Variants in PLXNA4 observed in about 807,000 individuals in gnomAD.
The protein encoded by PLXNA4 is plexin-A4.
A neutral mutation model predicts 191.8 loss-of-function variants in PLXNA4; 44 were observed. The observed-to-expected ratio is 0.23, with a 90% CI of 0.18 to 0.29. PLXNA4 has a LOEUF of 0.29. Ranked by LOEUF, PLXNA4 falls within the 10% of genes least tolerant of loss-of-function variation. The pLI, the probability that PLXNA4 is intolerant of heterozygous loss-of-function variation, is 1.00. For synonymous variants in PLXNA4, 1,082 were observed against 1,009.5 expected (o/e 1.07, Z -1.36); for missense variants, 1,800 against 2,488.8 (o/e 0.72, Z 5.89).
intron 2 of PLXNA4, among the ~76,000 whole-genome samples, chr7:132,583,425 C>G (rs539778274): frequency 6.6e-6 from 1 of 152,344 alleles, no homozygotes; most frequent in South Asian, 2.1e-4. Flanking sequence ...ACACCATTCT[C>G]CTTGAGGACT....
At chr7:132,157,776 A>G (rs1795839035) in intron 25 of PLXNA4, among the ~76,000 whole-genome samples, 1 of 152,202 alleles carries the variant, frequency 6.6e-6, no homozygotes, top group African/African-American at 2.4e-5. Flanking sequence ...TTCCACTACC[A>G]AACTCAATTC....
chr7:132,152,979 G>T (rs1218138592), intron 25 of PLXNA4, among the ~76,000 whole-genome samples: 1 of 152,252 alleles, frequency 6.6e-6, no homozygotes, highest in Non-Finnish European at 1.5e-5. Context: ...AGTGTGCTGG[G>T]CATGGCCAAC....
intron 3 of PLXNA4, among the ~76,000 whole-genome samples, chr7:132,471,353 G>T (rs888630867): frequency 6.6e-6 from 1 of 152,194 alleles, no homozygotes; most frequent in African/African-American, 2.4e-5. Flanking sequence ...ATAGACCGTT[G>T]TGTGTGTTGT....
intron 3 of PLXNA4, among the ~76,000 whole-genome samples, chr7:132,343,108 T>A (rs187805425): frequency 2.5e-4 from 36 of 144,866 alleles, no homozygotes; most frequent in African/African-American, 9.0e-4. Flanking sequence ...CAGTTAAGAT[T>A]TTTTTTTTTT....
intron 3 of PLXNA4, among the ~76,000 whole-genome samples, chr7:132,484,556 C>A (rs926925031): frequency 6.6e-6 from 1 of 152,250 alleles, no homozygotes; most frequent in Non-Finnish European, 1.5e-5. Context: ...TTCTGCATTT[C>A]TTTCCCTTTG....
At position 132,226,078 on chromosome 7, in the gene PLXNA4, C is replaced by G. The variant is rs987645814; in HGVS notation, c.1982+83G>C. 3 of 1,327,188 alleles carry G rather than the reference C, an allele frequency of 2.3e-6. No homozygotes were observed. In the African/African-American group the frequency reaches 4.4e-5, roughly 19 times the overall value. 82.2% of individuals were successfully genotyped at this position (1,327,188 alleles called of 1,614,324 possible). A position where few individuals can be genotyped will look rare whatever the true frequency, so the allele number is the denominator to read the frequency against. ...TCTGGGGCTTCTAAATGGTGACTCCCTGGGAATAGTGATGGGGTTTTCTGA... is the reference window on the plus strand; with the variant it reads ...TCTGGGGCTTCTAAATGGTGACTCCGTGGGAATAGTGATGGGGTTTTCTGA... On this transcript the variant is annotated intron_variant, in intron 8 of 31. Transcript: ENST00000321063.
At chr7:132,540,569 CTTTTTTTTTTT>C (rs71915138) in intron 1 of PLXNA4, among the ~76,000 whole-genome samples, 10 of 60,974 alleles carry the variant, frequency 1.6e-4, no homozygotes, top group African/African-American at 2.9e-4. Flanking sequence ...GTGGACCGTT[CTTTTTTTTTTT>C]TTTTTTTTTT....
At chr7:132,287,214 T>G (rs1800715608) in intron 4 of PLXNA4, among the ~76,000 whole-genome samples, 1 of 152,134 alleles carries the variant, frequency 6.6e-6, no homozygotes, top group Non-Finnish European at 1.5e-5. Context: ...TTTTGTATTT[T>G]TAGTAAAGAT....
At chr7:132,140,369 T>C (rs1795232515) in intron 30 of PLXNA4, among the ~76,000 whole-genome samples, 1 of 152,162 alleles carries the variant, frequency 6.6e-6, no homozygotes, top group South Asian at 2.1e-4. Context: ...GGGCCTGTTA[T>C]CTAGGGAAGC....
chr7:132,198,315 AG>A (rs1419847620), intron 13 of PLXNA4, among the ~76,000 whole-genome samples, 169 bp downstream of exon 13: 1 of 152,128 alleles, frequency 6.6e-6, no homozygotes, highest in Non-Finnish European at 1.5e-5. Context: ...TAGCTAACTG[AG>A]CAGGCGGGGA....
At chr7:132,136,598 T>C (rs1795120164) in intron 30 of PLXNA4, among the ~76,000 whole-genome samples, 1 of 152,136 alleles carries the variant, frequency 6.6e-6, no homozygotes, top group Admixed American at 6.6e-5. Flanking sequence ...CATCCTCCAC[T>C]GTTGGCCAGT....
chr7:132,477,533 T>C (rs1797179416), intron 3 of PLXNA4, among the ~76,000 whole-genome samples: 2 of 152,220 alleles, frequency 1.3e-5, no homozygotes, highest in African/African-American at 4.8e-5. Flanking sequence ...ATTGTTGTTG[T>C]AAGCCACCTA....
At chr7:132,300,633 C>T (rs1338282846) in intron 3 of PLXNA4, among the ~76,000 whole-genome samples, 2 of 152,176 alleles carry the variant, frequency 1.3e-5, no homozygotes, top group Non-Finnish European at 2.9e-5. Context: ...CTTTCCTAAT[C>T]TAGATGAAAC....
intron 14 of PLXNA4, among the ~76,000 whole-genome samples, chr7:132,188,956 A>AGGAGAGGAGAGGAGAGGAGAGGAG (rs1562908616): frequency 8.4e-5 from 4 of 47,590 alleles, no homozygotes; most frequent in South Asian, 1.5e-3. Context: ...CCAGAGAGGA[A>AGGAGAGGAGAGGAGAGGAGAGGAG]AGGAAAGGAA....
rs559523995 is a variant in PLXNA4, at chr7:132,439,712, G to T, written c.1371+49580C>A. On this transcript the variant is annotated intron_variant, in intron 3 of 31. Coordinates refer to ENST00000321063, the MANE Select transcript of PLXNA4 (RefSeq NM_020911.2). ...GAGCAAGACCTGAACTCAGAGGTTCGCACAACAGGTGACCAACCAAAGTTT... is the reference window on the plus strand; with the variant it reads ...GAGCAAGACCTGAACTCAGAGGTTCTCACAACAGGTGACCAACCAAAGTTT... Among the ~76,000 whole-genome samples the T allele has an allele frequency of 2.4e-4, 37 of 152,254 alleles. No homozygotes were observed. The South Asian group carries it at 7.3e-3, about 30-fold the overall frequency.
intron 9 of PLXNA4, among the ~76,000 whole-genome samples, chr7:132,217,080 G>C (rs1797986766): frequency 6.6e-6 from 1 of 152,188 alleles, no homozygotes; most frequent in East Asian, 1.9e-4. Context: ...ACCTTTAAAG[G>C]CCTGGCATTC....
chr7:132,450,099 C>G (rs1189673939), intron 3 of PLXNA4, among the ~76,000 whole-genome samples: 1 of 152,198 alleles, frequency 6.6e-6, no homozygotes, highest in Admixed American at 6.5e-5. Flanking sequence ...TGGTACACCT[C>G]CACATACAGG....
intron 3 of PLXNA4, among the ~76,000 whole-genome samples, chr7:132,351,744 A>G (rs932355772): frequency 9.2e-5 from 14 of 152,208 alleles, no homozygotes; most frequent in African/African-American, 2.4e-4. Context: ...CCAGAACCAC[A>G]CTTAGGTAGC....
At chr7:132,490,205 C>T (rs1018299567) in intron 2 of PLXNA4, among the ~76,000 whole-genome samples, 2 of 152,166 alleles carry the variant, frequency 1.3e-5, no homozygotes, top group Admixed American at 6.5e-5. Flanking sequence ...ATGCCTACAC[C>T]AGCACTTCCC....
Sources: allele counts gnomAD v4.1 joint callset (sites outside exome capture counted in the v4.1 genomes callset), GRCh38; gene constraint gnomAD v4.1.1; transcripts MANE v1.5; gene names NCBI Gene and HGNC (gene_info 2026-07-23, HGNC 2026-07-21).